The following ROR2 variants were observed in gnomAD, a reference collection of about 807,000 sequenced individuals.
The protein encoded by ROR2 is ROR family WNT receptor 2.
A neutral mutation model predicts 74.9 loss-of-function variants in ROR2; 33 were observed. That is an observed-to-expected ratio of 0.44 (90% CI 0.33 to 0.59). The LOEUF (loss-of-function observed/expected upper bound fraction) is 0.59, where lower values mean the gene tolerates loss of function less well. ROR2 is among the 20% of genes least tolerant of loss of function. ROR2 has a pLI of 0.02. For missense variants in ROR2, 1,216 were observed against 1,313.8 expected, an observed-to-expected ratio of 0.93 and a Z score of 1.15; for synonymous variants, 586 against 558.7, an observed-to-expected ratio of 1.05 and a Z score of -0.69.
At chr9:91,904,570 G>C (rs1830763297) in intron 1 of ROR2, among the ~76,000 whole-genome samples, 1 of 152,206 alleles carries the variant, frequency 6.6e-6, no homozygotes, top group Non-Finnish European at 1.5e-5. Context: ...GCAAGGAAGT[G>C]GAATCAGGCT....
intron 4 of ROR2, among the ~76,000 whole-genome samples, chr9:91,755,696 C>G (rs1161807378): frequency 6.6e-6 from 1 of 152,242 alleles, no homozygotes; most frequent in African/African-American, 2.4e-5. Context: ...CATTTATTAA[C>G]TGCAGCTGGT....
intron 4 of ROR2, 28 bp from the exon 5 acceptor site, chr9:91,737,546 G>A: frequency 1.2e-6 from 2 of 1,614,082 alleles, no homozygotes; most frequent in Non-Finnish European, 1.7e-6. Flanking sequence ...AAGTCTGTTA[G>A]AGCTCTGGGA....
intron 1 of ROR2, among the ~76,000 whole-genome samples, chr9:91,806,670 A>C (rs1179027362): frequency 1.3e-5 from 2 of 152,064 alleles, no homozygotes; most frequent in Non-Finnish European, 2.9e-5. Flanking sequence ...GCTTACTACA[A>C]GCTCTGCCTC....
Position 91,862,591 on chromosome 9 carries a change from G to T in ROR2, c.98-86773C>A, listed in dbSNP as rs552903993. The stretch of plus-strand genomic sequence containing the variant: ...GCAGGAGAATCGCTTGAGCCCAGGA[G>T]TTCAAGGATGCAGTGAGCCATGAAC... On this transcript the variant is annotated intron_variant, in intron 1 of 8. Coordinates refer to ENST00000375708, the MANE Select transcript of ROR2 (RefSeq NM_004560.4). Among the ~76,000 whole-genome samples, 5 of 152,118 alleles carry T rather than the reference G, an allele frequency of 3.3e-5. No homozygotes were observed. The South Asian group carries it at 1.0e-3, about 32-fold the overall frequency.
intron 1 of ROR2, among the ~76,000 whole-genome samples, chr9:91,904,449 G>A (rs916588058): frequency 3.9e-5 from 6 of 152,210 alleles, no homozygotes; most frequent in African/African-American, 1.4e-4. Context: ...CCCAAGGGCT[G>A]GGGTAGGGAG....
intron 6 of ROR2, among the ~76,000 whole-genome samples, chr9:91,732,496 T>G (rs1486581059): frequency 6.6e-6 from 1 of 152,182 alleles, no homozygotes; most frequent in Non-Finnish European, 1.5e-5. Context: ...GGCCCCACGA[T>G]TCAGGGACCT....
chr9:91,815,444 A>T (rs958679398), intron 1 of ROR2, among the ~76,000 whole-genome samples: 1 of 151,280 alleles, frequency 6.6e-6, no homozygotes, highest in Non-Finnish European at 1.5e-5. Flanking sequence ...TACATGGGTC[A>T]AAAAAAAAGG....
intron 1 of ROR2, among the ~76,000 whole-genome samples, chr9:91,789,371 A>ATT (rs1330240886): frequency 1.3e-5 from 2 of 151,898 alleles, no homozygotes; most frequent in Admixed American, 6.6e-5. Flanking sequence ...TGAAGAGATA[A>ATT]ATAAAAGAGT....
At chr9:91,743,406 T>C (rs997958128) in intron 4 of ROR2, among the ~76,000 whole-genome samples, 3 of 152,082 alleles carry the variant, frequency 2.0e-5, no homozygotes, top group Non-Finnish European at 2.9e-5. Context: ...ACGCCATCTC[T>C]ACTAAAAATA....
At chr9:91,766,417 G>A (rs1330262718) in intron 2 of ROR2, among the ~76,000 whole-genome samples, 1 of 152,086 alleles carries the variant, frequency 6.6e-6, no homozygotes, top group Non-Finnish European at 1.5e-5. Flanking sequence ...CACCTCCCTT[G>A]CACATTCATA....
At chr9:91,914,366 A>G (rs1831070560) in intron 1 of ROR2, among the ~76,000 whole-genome samples, 1 of 152,218 alleles carries the variant, frequency 6.6e-6, no homozygotes, top group Non-Finnish European at 1.5e-5. Context: ...GATACCCTGT[A>G]CTACAACTTC....
intron 1 of ROR2, among the ~76,000 whole-genome samples, chr9:91,827,574 C>T (rs922048888): frequency 9.2e-5 from 14 of 152,130 alleles, no homozygotes; most frequent in African/African-American, 2.9e-4. Flanking sequence ...CTACTCAGGA[C>T]GGATTCCTAG....
intron 1 of ROR2, among the ~76,000 whole-genome samples, chr9:91,870,019 T>C (rs1414253338): frequency 6.6e-6 from 1 of 152,332 alleles, no homozygotes; most frequent in East Asian, 1.9e-4. Context: ...TTTTTACACT[T>C]TAAAATTGTT....
chr9:91,802,319 G>A (rs1037814650), intron 1 of ROR2, among the ~76,000 whole-genome samples: 3 of 151,862 alleles, frequency 2.0e-5, no homozygotes, highest in East Asian at 1.9e-4. Context: ...CTCATGATCC[G>A]CCTGCCTCGG....
chr9:91,724,201 T>C lies in ROR2; in HGVS notation c.2293A>G (p.Ser765Gly). The change falls in exon 9 of 9, where the codon AGC becomes GGC. Residue 765 changes from serine (S) to glycine (G), a missense_variant. By Grantham distance (56) the Ser-to-Gly change is moderately conservative. Transcript: ENST00000375708. ...YNSSAQTSGA[S>G]NTTQTSSLST... ...AGGGAGCTGGTCTGCGTGGTGTTGC[T>C]GGCCCCCGAGGTCTGCGCCGAGCTG... 1.9e-6 allele frequency: 3 copies of C among 1,613,118 alleles called. No individual in the cohort carries two copies. The highest frequency in any genetic ancestry group is 2.5e-6 in the Non-Finnish European group (3 of 1,180,016).
intron 1 of ROR2, among the ~76,000 whole-genome samples, chr9:91,815,830 T>G (rs1261618792): frequency 6.6e-6 from 1 of 152,136 alleles, no homozygotes; most frequent in African/African-American, 2.4e-5. Flanking sequence ...TGTATGGAGA[T>G]AGGCATGTCT....
intron 1 of ROR2, among the ~76,000 whole-genome samples, chr9:91,803,210 C>T (rs1262109584): frequency 6.6e-6 from 1 of 152,184 alleles, no homozygotes; most frequent in African/African-American, 2.4e-5. Context: ...TATTCCACAA[C>T]AGAATATGAT....
At chr9:91,901,315 T>A (rs569306284) in intron 1 of ROR2, among the ~76,000 whole-genome samples, 1 of 152,330 alleles carries the variant, frequency 6.6e-6, no homozygotes, top group Admixed American at 6.5e-5. Flanking sequence ...CTGATACCTG[T>A]GGGATATCAT....
intron 1 of ROR2, among the ~76,000 whole-genome samples, chr9:91,843,430 A>C (rs897139315): frequency 6.6e-6 from 1 of 152,156 alleles, no homozygotes; most frequent in Non-Finnish European, 1.5e-5. Context: ...TTTTTCCAGA[A>C]ATGTTCTTAT....
Sources: allele counts gnomAD v4.1 joint callset (sites outside exome capture counted in the v4.1 genomes callset), GRCh38; gene constraint gnomAD v4.1.1; transcripts MANE v1.5; gene names NCBI Gene and HGNC (gene_info 2026-07-23, HGNC 2026-07-21).